The following GALNT10 variants were observed in gnomAD, a reference collection of about 807,000 sequenced individuals.
GALNT10 encodes the protein GalNAc transferase 10.
In GALNT10, 41 loss-of-function variants were observed where a neutral mutation model predicts 75.0. The ratio of observed to expected loss-of-function variants is 0.55; its 90% CI spans 0.43 to 0.71. The LOEUF is 0.71. Among genes scored for constraint, GALNT10 ranks in the 30% least tolerant of loss-of-function variants. GALNT10 has a pLI of 0.00. For synonymous variants in GALNT10, 302 were observed against 313.0 expected (o/e 0.96, Z 0.37); for missense variants, 727 against 818.5 (o/e 0.89, Z 1.36).
chr5:154,236,138 A>G (rs1222983432), intron 1 of GALNT10, among the ~76,000 whole-genome samples: 1 of 152,198 alleles, frequency 6.6e-6, no homozygotes, highest in Non-Finnish European at 1.5e-5. Flanking sequence ...TGAGCTCTAA[A>G]GTTAGATCCC....
At position 154,190,756 on chromosome 5, in the gene GALNT10, C is replaced by G. The variant is rs1423405370; in HGVS notation, c.-111C>G. The G allele has an allele frequency of 1.9e-5, 7 of 367,546 alleles. No individual in the cohort carries two copies. The highest frequency in any genetic ancestry group is 2.6e-5 in the Non-Finnish European group (7 of 267,210). The allele number at this position is 367,546 out of a possible 1,614,324, so 22.8% of individuals were successfully genotyped here. A position where few individuals can be genotyped will look rare whatever the true frequency, so the allele number is the denominator to read the frequency against. ...CGGAGTTGGAGCGGGGCCGGCGCCG[C>G]AGCCGCTTCTGCTGGCTGAGCTGCT... On this transcript the variant is annotated 5_prime_UTR_variant, in exon 1 of 12. Coordinates refer to ENST00000297107, the MANE Select transcript of GALNT10 (RefSeq NM_198321.4).
intron 1 of GALNT10, among the ~76,000 whole-genome samples, chr5:154,257,671 T>TA (rs5872365): frequency 8.3e-5 from 12 of 144,898 alleles, no homozygotes; most frequent in African/African-American, 1.5e-4. Context: ...GACTCCGTTT[T>TA]AAAAAAAAAA....
chr5:154,349,399 T>C (rs566321012), intron 4 of GALNT10: 1 of 152,174 alleles, frequency 6.6e-6, no homozygotes, highest in South Asian at 2.1e-4. Flanking sequence ...TTCTGAAATA[T>C]CAGAATTTCC....
At chr5:154,229,979 T>C (rs1014912276) in intron 1 of GALNT10, among the ~76,000 whole-genome samples, 1 of 152,184 alleles carries the variant, frequency 6.6e-6, no homozygotes, top group African/African-American at 2.4e-5. Context: ...GCTGGGCACC[T>C]TTGGAAAATG....
chr5:154,371,152 T>A (rs971026227), intron 4 of GALNT10, among the ~76,000 whole-genome samples: 3 of 152,174 alleles, frequency 2.0e-5, no homozygotes, highest in African/African-American at 7.2e-5. Context: ...TTGGCATTCC[T>A]TGGCTCATAG....
At chr5:154,305,861 T>G (rs1184500521) in intron 3 of GALNT10, among the ~76,000 whole-genome samples, 2 of 151,824 alleles carry the variant, frequency 1.3e-5, no homozygotes, top group Non-Finnish European at 2.9e-5. Context: ...CTACTAAAAA[T>G]ACAAAAATTA....
chr5:154,215,067 A>G (rs996943732), intron 1 of GALNT10, among the ~76,000 whole-genome samples: 1 of 152,234 alleles, frequency 6.6e-6, no homozygotes, highest in Admixed American at 6.5e-5. Context: ...GATTCTTAAA[A>G]ATTAATTTTA....
intron 4 of GALNT10, chr5:154,356,430 GA>G: frequency 6.8e-6 from 2 of 292,828 alleles, no homozygotes; most frequent in Non-Finnish European, 1.4e-5. Context: ...AGGGCTGGGG[GA>G]GGGAGCCTCA....
intron 5 of GALNT10, among the ~76,000 whole-genome samples, chr5:154,379,987 T>A (rs779914247): frequency 1.3e-5 from 2 of 152,140 alleles, no homozygotes; most frequent in Non-Finnish European, 2.9e-5. Context: ...AGTGCTGGGG[T>A]GCCTACTGCT....
intron 3 of GALNT10, among the ~76,000 whole-genome samples, chr5:154,323,078 T>C (rs1754698271): frequency 1.3e-5 from 2 of 152,236 alleles, no homozygotes; most frequent in Middle Eastern, 3.4e-3. Flanking sequence ...AAGCATAGGG[T>C]TCTAGGAGAT....
In GALNT10 at chr5:154,299,750, C is replaced by T. The variant is rs1191395648; in HGVS notation, c.401+1671C>T. Reference sequence around the variant, plus strand: ...CCCTTTTCCCAAAGATGCCTGACAGCGAGGGAACAGAGGAGGGGCCTCACT... The same window carrying T: ...CCCTTTTCCCAAAGATGCCTGACAGTGAGGGAACAGAGGAGGGGCCTCACT... On this transcript the variant is annotated intron_variant, in intron 3 of 11. Transcript: ENST00000297107. Among the ~76,000 whole-genome samples the T allele has an allele frequency of 2.6e-5, 4 of 152,008 alleles. 1 individual carries two copies. The East Asian group carries it at 5.8e-4, about 22-fold the overall frequency.
intron 1 of GALNT10, among the ~76,000 whole-genome samples, chr5:154,242,055 T>A (rs995707123): frequency 3.9e-5 from 6 of 152,198 alleles, no homozygotes; most frequent in Admixed American, 3.3e-4. Flanking sequence ...CCTTGTCTCA[T>A]GTGACTGGCT....
chr5:154,193,571 T>C (rs1303234988), intron 1 of GALNT10, among the ~76,000 whole-genome samples: 1 of 152,240 alleles, frequency 6.6e-6, no homozygotes, highest in Non-Finnish European at 1.5e-5. Context: ...GTCATTCTTG[T>C]AATTGTTGAG....
At chr5:154,297,754 G>A (rs1754302750) in intron 2 of GALNT10, among the ~76,000 whole-genome samples, 187 bp from the exon 3 acceptor site, 1 of 152,076 alleles carries the variant, frequency 6.6e-6, no homozygotes, top group African/African-American at 2.4e-5. Context: ...AGAACAAGAT[G>A]TGCAAAGTGT....
At chr5:154,220,057 G>A (rs1013181600) in intron 1 of GALNT10, 9 of 152,156 alleles carry the variant, frequency 5.9e-5, no homozygotes, top group Non-Finnish European at 2.9e-5. Context: ...CCTTTCCATA[G>A]GAAGTGCTTA....
intron 4 of GALNT10, among the ~76,000 whole-genome samples, chr5:154,367,315 G>T (rs1755491610): frequency 6.6e-6 from 1 of 152,218 alleles, no homozygotes; most frequent in Admixed American, 6.5e-5. Flanking sequence ...TTCCCTGGGG[G>T]TTCTTGGGGC....
intron 3 of GALNT10, among the ~76,000 whole-genome samples, chr5:154,313,173 A>G (rs1461756928): frequency 6.6e-6 from 1 of 152,036 alleles, no homozygotes; most frequent in Admixed American, 6.6e-5. Context: ...GCCGGGCGTG[A>G]TGGTGAGTGC....
intron 4 of GALNT10, chr5:154,337,553 T>C: frequency 1.3e-6 from 1 of 757,776 alleles, no homozygotes; most frequent in Non-Finnish European, 2.4e-6. Context: ...AGTATTGGCC[T>C]CCATCACCAT....
At chr5:154,246,062 T>G (rs10070345) in intron 1 of GALNT10, among the ~76,000 whole-genome samples, 95,736 of 151,212 alleles carry the variant, frequency 0.63, 30,964 homozygotes, top group East Asian at 0.86. Context: ...TGCGGTGTTT[T>G]TTTTTTTGTC....
Sources: gnomAD v4.1 joint callset for allele counts (sites outside exome capture counted in the v4.1 genomes callset) on GRCh38, gnomAD v4.1.1 for gene constraint, MANE v1.5 for transcripts, NCBI Gene and HGNC (gene_info 2026-07-23, HGNC 2026-07-21) for gene names.